The following NLGN1 variants were observed in gnomAD, a reference collection of about 807,000 sequenced individuals.
NLGN1 encodes the protein neuroligin 1.
In NLGN1, 12 loss-of-function variants were observed where a neutral mutation model predicts 65.5. The observed-to-expected ratio is 0.18, with a 90% confidence interval of 0.12 to 0.30. The LOEUF is 0.30. NLGN1 is among the 10% of genes least tolerant of loss of function. The pLI, the probability that NLGN1 is intolerant of heterozygous loss-of-function variation, is 1.00. For missense variants in NLGN1, 750 were observed against 1,007.1 expected, an observed-to-expected ratio of 0.74 and a Z score of 3.46; for synonymous variants, 350 against 359.5, an observed-to-expected ratio of 0.97 and a Z score of 0.30.
intron 4 of NLGN1, among the ~76,000 whole-genome samples, chr3:174,195,804 T>TTGAA (rs1282113018): frequency 1.4e-5 from 2 of 146,952 alleles, no homozygotes; most frequent in Admixed American, 6.8e-5. Context: ...AAAAACTGCC[T>TTGAA]TCTTCAGGGG....
At chr3:174,088,386 C>T (rs758848943) in intron 4 of NLGN1, among the ~76,000 whole-genome samples, 5 of 151,950 alleles carry the variant, frequency 3.3e-5, no homozygotes, top group Non-Finnish European at 5.9e-5. Flanking sequence ...CCTTTATTGC[C>T]GCAATTGAGG....
At chr3:173,533,419 TA>T (rs1432899681) in intron 2 of NLGN1, among the ~76,000 whole-genome samples, 1 of 152,000 alleles carries the variant, frequency 6.6e-6, no homozygotes, top group Non-Finnish European at 1.5e-5. Context: ...ACACAGAAAA[TA>T]ATTGAGTTAT....
intron 4 of NLGN1, among the ~76,000 whole-genome samples, chr3:174,155,032 AATAAT>A (rs1439118921): frequency 7.6e-6 from 1 of 131,870 alleles, no homozygotes; most frequent in Non-Finnish European, 1.6e-5. Context: ...ATAAAATTAT[AATAAT>A]ATAATTTATA....
rs139389428 is a variant in NLGN1, at chr3:173,930,944, C to T, written c.646+123112C>T. On this transcript the variant is annotated intron_variant, in intron 4 of 6. Coordinates refer to ENST00000457714, the Ensembl canonical transcript of NLGN1. ...TATAAAGAGAAAATAGTACTACCTC[C>T]TCACTCACAGTCTTTTTAAGAAAAG... Among the ~76,000 whole-genome samples, 166 of 152,244 alleles carry T rather than the reference C, an allele frequency of 1.1e-3. 1 individual carries two copies. The highest frequency in any genetic ancestry group is 3.8e-3 in the African/African-American group (157 of 41,554).
chr3:173,987,874 C>T (rs1300379848), intron 4 of NLGN1, among the ~76,000 whole-genome samples: 2 of 152,162 alleles, frequency 1.3e-5, no homozygotes, highest in African/African-American at 2.4e-5. Context: ...ATGAAATGGT[C>T]AGTTGTAGTC....
intron 4 of NLGN1, among the ~76,000 whole-genome samples, chr3:173,884,212 G>A (rs1437145848): frequency 2.6e-5 from 4 of 151,876 alleles, no homozygotes; most frequent in African/African-American, 4.8e-5. Context: ...AATTCTCTGG[G>A]GGAGATAAAA....
intron 4 of NLGN1, among the ~76,000 whole-genome samples, chr3:174,272,530 G>GTTA (rs1216871543): frequency 2.0e-5 from 3 of 151,692 alleles, no homozygotes; most frequent in African/African-American, 7.3e-5. Flanking sequence ...CTGAAGACAT[G>GTTA]TTATTTGCTT....
intron 2 of NLGN1, among the ~76,000 whole-genome samples, chr3:173,438,372 G>T (rs1343815695): frequency 1.3e-5 from 2 of 152,018 alleles, no homozygotes; most frequent in East Asian, 3.9e-4. Flanking sequence ...TATACATATC[G>T]TCTTTCCTAT....
intron 4 of NLGN1, among the ~76,000 whole-genome samples, chr3:174,163,330 A>C (rs1577166534): frequency 6.6e-6 from 1 of 152,188 alleles, no homozygotes; most frequent in African/African-American, 2.4e-5. Context: ...TCTTTAACAT[A>C]CAAAGTAAAT....
intron 4 of NLGN1, among the ~76,000 whole-genome samples, chr3:173,955,133 T>G (rs558889956): frequency 6.6e-6 from 1 of 152,294 alleles, no homozygotes; most frequent in African/African-American, 2.4e-5. Context: ...AGAAATTTGA[T>G]ATTCATAGAA....
chr3:174,251,762 C>T (rs922979349), intron 4 of NLGN1, among the ~76,000 whole-genome samples: 5 of 152,122 alleles, frequency 3.3e-5, no homozygotes, highest in African/African-American at 1.2e-4. Flanking sequence ...TATTTATACA[C>T]TTACATAAAA....
chr3:174,165,694 T>C (rs1463561650), intron 4 of NLGN1, among the ~76,000 whole-genome samples: 1 of 151,972 alleles, frequency 6.6e-6, no homozygotes, highest in Non-Finnish European at 1.5e-5. Flanking sequence ...TTTGGTATCA[T>C]GGTGAGTCTG....
intron 3 of NLGN1, among the ~76,000 whole-genome samples, chr3:173,773,506 A>G (rs780476209): frequency 1.3e-5 from 2 of 152,162 alleles, no homozygotes; most frequent in Non-Finnish European, 1.5e-5. Context: ...TTAAAAAAGT[A>G]TAGTGCCATT....
intron 2 of NLGN1, among the ~76,000 whole-genome samples, chr3:173,467,806 T>G (rs1724630782): frequency 6.6e-6 from 1 of 152,148 alleles, no homozygotes; most frequent in African/African-American, 2.4e-5. Flanking sequence ...ATGCAGTCCT[T>G]TAGAGATCAA....
At chr3:174,093,521 G>C (rs1167281719) in intron 4 of NLGN1, among the ~76,000 whole-genome samples, 1 of 152,166 alleles carries the variant, frequency 6.6e-6, no homozygotes, top group Admixed American at 6.6e-5. Context: ...TTGTCTCTCT[G>C]AAGCAAACTG....
intron 4 of NLGN1, among the ~76,000 whole-genome samples, chr3:174,149,525 AGTT>A (rs1481955293): frequency 6.6e-6 from 1 of 152,128 alleles, no homozygotes; most frequent in Non-Finnish European, 1.5e-5. Flanking sequence ...TTTGTTCAAT[AGTT>A]GTTAGCATGA....
intron 2 of NLGN1, among the ~76,000 whole-genome samples, chr3:173,467,507 G>A (rs1724568576): frequency 6.6e-6 from 1 of 152,064 alleles, no homozygotes; most frequent in African/African-American, 2.4e-5. Flanking sequence ...TGCAGAAAAA[G>A]TATGACAATT....
intron 2 of NLGN1, among the ~76,000 whole-genome samples, chr3:173,533,693 A>C (rs1055891082): frequency 6.6e-6 from 1 of 152,234 alleles, no homozygotes; most frequent in African/African-American, 2.4e-5. Context: ...TCATGTAGAA[A>C]GGTCTTGGGG....
intron 2 of NLGN1, among the ~76,000 whole-genome samples, chr3:173,554,879 G>A (rs1029194276): frequency 4.6e-5 from 7 of 152,148 alleles, no homozygotes; most frequent in African/African-American, 1.4e-4. Flanking sequence ...TACTGTATGT[G>A]TGAGAGCTCA....
Sources: allele counts gnomAD v4.1 joint callset (sites outside exome capture counted in the v4.1 genomes callset), GRCh38; gene constraint gnomAD v4.1.1; transcripts MANE v1.5; gene names NCBI Gene and HGNC (gene_info 2026-07-23, HGNC 2026-07-21).